Variants in DISP1 observed in about 807,000 individuals in gnomAD.
The protein encoded by DISP1 is dispatched RND transporter family member 1, also known as protein dispatched homolog 1.
A neutral mutation model predicts 37.3 loss-of-function variants in DISP1; 30 were observed. The ratio of observed to expected loss-of-function variants is 0.80; its 90% CI spans 0.60 to 1.09. DISP1 has a LOEUF of 1.09. Among genes scored for constraint, DISP1 ranks in the 50% least tolerant of loss-of-function variants. The probability of loss-of-function intolerance (pLI) is 0.00; values close to 1 mark genes in which losing one functional copy is unlikely to be tolerated. For missense variants in DISP1, 1,598 were observed against 1,879.5 expected (o/e 0.85, Z 2.77); for synonymous variants, 634 against 690.2 (o/e 0.92, Z 1.28).
At chr1:222,951,582 G>A (rs1188300891) in intron 3 of DISP1, among the ~76,000 whole-genome samples, 4 of 148,582 alleles carry the variant, frequency 2.7e-5, no homozygotes, top group Non-Finnish European at 3.0e-5. Flanking sequence ...GATCATTGAC[G>A]CAGATCCCAC....
intron 1 of DISP1, among the ~76,000 whole-genome samples, chr1:222,839,905 C>A (rs1667483185): frequency 6.7e-6 from 1 of 149,622 alleles, no homozygotes; most frequent in South Asian, 2.1e-4. Context: ...TGCACTCTAG[C>A]CTGGGTAACA....
intron 3 of DISP1, among the ~76,000 whole-genome samples, chr1:222,975,780 G>C (rs1350805074): frequency 6.6e-6 from 1 of 152,192 alleles, no homozygotes. Context: ...GAAGTGCCAA[G>C]GGCAATTTGT....
chr1:223,002,756 G>A lies in DISP1; in HGVS notation c.1359G>A (p.Met453Ile), dbSNP rs143019748. The change falls in exon 9 of 9, where the codon ATG becomes ATA. Residue 453 changes from methionine (M) to isoleucine (I), a missense_variant. By Grantham distance (10) the Met-to-Ile change is conservative. Transcript: ENST00000675850. ...DYATPALKYS[M>I]LFSPTEKGES... is the part of the protein sequence containing the mutation. ...CCACGCCAGCTTTAAAATACAGCAT[G>A]CTCTTCTCTCCCACAGAGAAAGGGG... The A allele has an allele frequency of 9.9e-6, 16 of 1,614,136 alleles. No individual in the cohort carries two copies. The highest frequency in any genetic ancestry group is 1.3e-5 in the African/African-American group (1 of 75,032).
chr1:222,881,697 A>G (rs1485780652), intron 1 of DISP1, among the ~76,000 whole-genome samples: 1 of 152,212 alleles, frequency 6.6e-6, no homozygotes, highest in Non-Finnish European at 1.5e-5. Flanking sequence ...TTGAGATTGT[A>G]AAATTAGCAA....
At chr1:222,842,706 A>G (rs1287703397) in intron 1 of DISP1, among the ~76,000 whole-genome samples, 3 of 152,078 alleles carry the variant, frequency 2.0e-5, no homozygotes, top group Non-Finnish European at 4.4e-5. Context: ...GAGTCACAGT[A>G]TACATTAATT....
chr1:222,839,446 C>A (rs1336731552), intron 1 of DISP1, among the ~76,000 whole-genome samples: 1 of 152,148 alleles, frequency 6.6e-6, no homozygotes, highest in Non-Finnish European at 1.5e-5. Flanking sequence ...TTCTCTTGGG[C>A]TGATGTCTCT....
intron 2 of DISP1, among the ~76,000 whole-genome samples, chr1:222,936,100 A>G (rs1455020857): frequency 6.6e-6 from 1 of 152,174 alleles, no homozygotes; most frequent in African/African-American, 2.4e-5. Flanking sequence ...TCATGTTTAG[A>G]TATGTGTGGT....
At chr1:222,905,613 C>T (rs1215681334) in intron 1 of DISP1, among the ~76,000 whole-genome samples, 1 of 152,094 alleles carries the variant, frequency 6.6e-6, no homozygotes, top group Non-Finnish European at 1.5e-5. Context: ...AATGCCTACT[C>T]TTTTAGTACC....
At chr1:222,897,591 A>C (rs534241832) in intron 1 of DISP1, among the ~76,000 whole-genome samples, 1 of 152,254 alleles carries the variant, frequency 6.6e-6, no homozygotes, top group East Asian at 1.9e-4. Flanking sequence ...ATTTATGAGG[A>C]GTTGTACTGT....
intron 3 of DISP1, among the ~76,000 whole-genome samples, chr1:222,944,701 C>T (rs1414961057): frequency 6.6e-6 from 1 of 152,160 alleles, no homozygotes; most frequent in Non-Finnish European, 1.5e-5. Flanking sequence ...ATTTGTTTTG[C>T]CTACTCCTAG....
chr1:223,003,190 G>A lies in DISP1; in HGVS notation c.1793G>A (p.Ser598Asn). 6.2e-7 allele frequency: 1 copy of A among 1,614,210 alleles called. No individual in the cohort carries two copies. Among genetic ancestry groups the A allele is most frequent in the Non-Finnish European group, 8.5e-7 (1 of 1,180,040 alleles). Residue 598 changes from serine (S) to asparagine (N), a missense_variant, in exon 9 of 9, where the codon AGC (serine) becomes AAC (asparagine). Ser to Asn is a conservative substitution (Grantham distance 46, BLOSUM62 1). Transcript: ENST00000675850. This position sits in a 1 kb window ranked among gnomAD's most constrained non-coding sequence, Gnocchi z 4.3. The stretch of plus-strand genomic sequence containing the variant: ...CATGCCGAAACCTCAGAAACAGTAA[G>A]CATCACCTTGCAGCACGCTGCCCTC... Reference protein sequence around the residue: ...KPHAETSETVSITLQHAALSM... With the variant: ...KPHAETSETVNITLQHAALSM...
chr1:222,940,075 G>C lies in DISP1; in HGVS notation c.-17-2732G>C, dbSNP rs536648851. Among the ~76,000 whole-genome samples the C allele has an allele frequency of 2.0e-3, 310 of 151,420 alleles. 3 individuals carry two copies. Among genetic ancestry groups the C allele is most frequent in the African/African-American group, 7.0e-3 (290 of 41,230 alleles). On this transcript the variant is annotated intron_variant, in intron 2 of 8. Transcript: ENST00000675850. ...TGGGAGGTGGAGCTTACAGTGAGCC[G>C]AGATCGCGCCACTGCACTCCAGCCT...
chr1:222,926,214 G>A (rs545964412), intron 1 of DISP1, among the ~76,000 whole-genome samples: 283 of 152,182 alleles, frequency 1.9e-3, no homozygotes, highest in African/African-American at 6.5e-3. Flanking sequence ...TTAACGCAGT[G>A]TTTTCAAGGT....
At chr1:222,900,517 G>A (rs939049735) in intron 1 of DISP1, among the ~76,000 whole-genome samples, 1 of 152,072 alleles carries the variant, frequency 6.6e-6, no homozygotes, top group African/African-American at 2.4e-5. Flanking sequence ...TTTTCTGTTG[G>A]AGATCCTATT....
intron 1 of DISP1, among the ~76,000 whole-genome samples, chr1:222,862,719 AAT>A (rs2125328915): frequency 6.6e-6 from 1 of 151,918 alleles, no homozygotes; most frequent in South Asian, 2.1e-4. Context: ...TTTTTGTAGA[AAT>A]AGAGTCTCCC....
chr1:222,901,094 G>C (rs1194500010), intron 1 of DISP1, among the ~76,000 whole-genome samples: 2 of 152,162 alleles, frequency 1.3e-5, no homozygotes, highest in African/African-American at 4.8e-5. Flanking sequence ...TCTAGAAACG[G>C]TGGGATTGCA....
At position 222,992,072 on chromosome 1, in the gene DISP1, G is replaced by A. The variant is rs1218007215; in HGVS notation, c.851G>A (p.Trp284Ter). Residue 284 changes from tryptophan to a stop codon, truncating the protein, a stop_gained, in exon 7 of 9, where the codon TGG becomes TAG. Transcript: ENST00000675850. LOFTEE classifies it high-confidence loss of function. ...GAAAGAGAGAAAAGAGAAGTTGACT[G>A]GAACTTCCACAAGGACAGCTTTTTC... ...HYEREKREVD[W>*]NFHKDSFFCD... 1 of 1,613,950 alleles carries A rather than the reference G, an allele frequency of 6.2e-7. No homozygotes were observed. Among genetic ancestry groups the A allele is most frequent in the Non-Finnish European group, 8.5e-7 (1 of 1,179,912 alleles).
chr1:222,817,897 T>C (rs976918124), intron 1 of DISP1, among the ~76,000 whole-genome samples: 1 of 152,266 alleles, frequency 6.6e-6, no homozygotes, highest in African/African-American at 2.4e-5. Flanking sequence ...GTTTAGGTTA[T>C]TGTTTTAAAA....
chr1:222,918,857 T>G (rs1448675774), intron 1 of DISP1, among the ~76,000 whole-genome samples: 2 of 152,258 alleles, frequency 1.3e-5, no homozygotes, highest in Non-Finnish European at 2.9e-5. Flanking sequence ...ATACAGCTTG[T>G]GGAGCAGATG....
Sources: allele counts gnomAD v4.1 joint callset (sites outside exome capture counted in the v4.1 genomes callset), GRCh38; gene constraint gnomAD v4.1.1; non-coding constraint Gnocchi (gnomAD v3.1); transcripts MANE v1.5; gene names NCBI Gene and HGNC (gene_info 2026-07-23, HGNC 2026-07-21).